Variants in KMT2D observed in about 807,000 individuals in gnomAD.
The protein encoded by KMT2D is histone-lysine N-methyltransferase 2D.
A neutral mutation model predicts 512.7 loss-of-function variants in KMT2D; 55 were observed. The observed-to-expected ratio is 0.11, with a 90% CI of 0.09 to 0.13. KMT2D has a LOEUF of 0.13. Among genes scored for constraint, KMT2D ranks in the 10% least tolerant of loss-of-function variants. KMT2D has a pLI of 1.00. For missense variants in KMT2D, 6,061 were observed against 7,127.9 expected, an observed-to-expected ratio of 0.85 and a Z score of 5.39; for synonymous variants, 2,995 against 2,904.0, an observed-to-expected ratio of 1.03 and a Z score of -1.01.
At position 49,041,710 on chromosome 12, in the gene KMT2D, G is replaced by A. The variant is rs1344530604; in HGVS notation, c.6184-5C>T. Reference sequence around the variant, plus strand: ...CCGGTTATCTTTGGCCTTTTGCTGAGGGATATGGGACACAGCCTTAGGGCC... The same window carrying A: ...CCGGTTATCTTTGGCCTTTTGCTGAAGGATATGGGACACAGCCTTAGGGCC... On this transcript the variant is annotated splice_polypyrimidine_tract_variant and splice_region_variant and intron_variant, in intron 30 of 54. Coordinates refer to ENST00000301067, the MANE Select transcript of KMT2D (RefSeq NM_003482.4). The surrounding 1 kb of genome is among the most constrained non-coding windows in gnomAD (Gnocchi z 5.4). 4 of 1,609,370 alleles carry A rather than the reference G, an allele frequency of 2.5e-6. No individual in the cohort carries two copies. The highest frequency in any genetic ancestry group is 2.5e-6 in the Non-Finnish European group (3 of 1,177,718).
rs1230179022 is a variant in KMT2D at position 49,024,978 on chromosome 12, G to A, written c.15785-32C>T. 48 of 1,570,016 alleles carry A rather than the reference G, an allele frequency of 3.1e-5. No homozygotes were observed. Among genetic ancestry groups the A allele is most frequent in the Non-Finnish European group, 4.1e-5 (48 of 1,157,266 alleles). On this transcript the variant is annotated intron_variant, in intron 49 of 54. Transcript: ENST00000301067. The surrounding 1 kb of genome is among the most constrained non-coding windows in gnomAD (Gnocchi z 4.5). ...AGCAGGGAAGAGAGCAGTCCTCAGA[G>A]GCAACTTCTGCTCACTGACCTCCAG...
Position 49,024,750 on chromosome 12 carries a change from G to T in KMT2D, c.15922-42C>A. On this transcript the variant is annotated intron_variant, in intron 50 of 54. Transcript: ENST00000301067. This position sits in a 1 kb window ranked among gnomAD's most constrained non-coding sequence, Gnocchi z 4.5. ...TACTCACCTTAGCCTGAGTTTTTTT[G>T]GGGTTAGGCCAAAGTTCTCAGTGCC... The T allele has an allele frequency of 6.2e-7, 1 of 1,607,588 alleles. No homozygotes were observed. Among genetic ancestry groups the T allele is most frequent in the Non-Finnish European group, 8.5e-7 (1 of 1,175,616 alleles).
chr12:49,027,305 C>T lies in KMT2D; in HGVS notation c.14661G>A (p.Glu4887=), dbSNP rs2120371365. The T allele has an allele frequency of 6.5e-7, 1 of 1,529,120 alleles. No individual in the cohort carries two copies. Among genetic ancestry groups the T allele is most frequent in the Non-Finnish European group, 8.8e-7 (1 of 1,141,598 alleles). The allele number at this position is 1,529,120 out of a possible 1,614,324, so 94.7% of individuals were successfully genotyped here. The change falls in exon 49 of 55, where the codon GAG becomes GAA. Residue 4887 remains glutamate (E), a synonymous_variant. Transcript: ENST00000301067. The part of the protein sequence containing the change: ...SLLKQESPAP[E]PPTQHSYTYN... Reference sequence around the variant, plus strand: ...AGGTATAGCTGTGCTGAGTGGGTGGCTCTGGGGCGGGGCTCTCCTGTAGGA... The same window carrying T: ...AGGTATAGCTGTGCTGAGTGGGTGGTTCTGGGGCGGGGCTCTCCTGTAGGA...
chr12:49,030,952 T>G lies in KMT2D; in HGVS notation c.13612A>C (p.Lys4538Gln). The G allele has an allele frequency of 5.6e-6, 9 of 1,613,986 alleles. No homozygotes were observed. Among genetic ancestry groups the G allele is most frequent in the Non-Finnish European group, 7.6e-6 (9 of 1,179,872 alleles). ...ASDRLVSSRK[K>Q]LRKEDGVRAS... ...CTGACCCCGTCCTCCTTCCGCAGCTTCTTTCGGGAGCTCACCAACCTGTCG... is the reference window on the plus strand; with the variant it reads ...CTGACCCCGTCCTCCTTCCGCAGCTGCTTTCGGGAGCTCACCAACCTGTCG... The change falls in exon 41 of 55, where the codon AAG (lysine) becomes CAG (glutamine). Residue 4538 changes from lysine (K) to glutamine (Q), a missense_variant. Lys to Gln is a moderately conservative substitution (Grantham distance 53, BLOSUM62 1). Around this residue, in one of 16 missense-constraint regions of KMT2D, gnomAD observed 1,600 missense variants for 1,754.9 expected, o/e 0.91. Transcript: ENST00000301067.
rs2120704507 is a variant in KMT2D, at chr12:49,054,104, G to A, written c.547C>T (p.Pro183Ser). ...SHCTRLGASI[P>S]CRSPGCPRLY... ...CGTGGACATCCAGGTGAGCGGCAAG[G>A]GATGGAGGCACCGAGCCTGGTGCAG... The change falls in exon 6 of 55, where the codon CCT becomes TCT. Residue 183 changes from proline to serine, a missense_variant. Transcript: ENST00000301067. The surrounding 1 kb of genome is among the most constrained non-coding windows in gnomAD (Gnocchi z 6.4). The A allele has an allele frequency of 6.2e-7, 1 of 1,613,122 alleles. No homozygotes were observed. Among genetic ancestry groups the A allele is most frequent in the Non-Finnish European group, 8.5e-7 (1 of 1,179,514 alleles).
intron 41 of KMT2D, 44 bp downstream of exon 41, chr12:49,030,849 C>T (rs996431445): frequency 6.2e-7 from 1 of 1,612,776 alleles, no homozygotes; most frequent in African/African-American, 1.3e-5. Flanking sequence ...AGGGTGCCCC[C>T]TATCCTGGGA....
Position 49,060,747 on chromosome 12 carries a change from G to A in KMT2D, c.-1172C>T, listed in dbSNP as rs1393174212. 1.3e-5 allele frequency among the ~76,000 whole-genome samples: 2 copies of A among 152,258 alleles called. No individual in the cohort carries two copies. Among genetic ancestry groups the A allele is most frequent in the African/African-American group, 4.8e-5 (2 of 41,468 alleles). ...TGCCCGGGGCACCCCACTCGAGAGGGGGAGAAAGGAGAAGAGGCGGCCCTA... is the reference window on the plus strand; with the variant it reads ...TGCCCGGGGCACCCCACTCGAGAGGAGGAGAAAGGAGAAGAGGCGGCCCTA... On this transcript the variant is annotated 5_prime_UTR_variant, in exon 1 of 55. Transcript: ENST00000301067.
At chr12:49,028,164 G>A (rs759619354) in intron 46 of KMT2D, 23 bp from the exon 47 acceptor site, 2 of 1,613,576 alleles carry the variant, frequency 1.2e-6, no homozygotes, top group African/African-American at 1.3e-5. Context: ...GGGAAGGGAT[G>A]GAAGAAACAT....
chr12:49,041,117 G>T lies in KMT2D; in HGVS notation c.6653C>A (p.Pro2218His). Residue 2218 changes from proline to histidine, a missense_variant, in exon 32 of 55, where the codon CCT becomes CAT. By Grantham distance (77) the Pro-to-His change is moderately conservative. Transcript: ENST00000301067. This position sits in a 1 kb window ranked among gnomAD's most constrained non-coding sequence, Gnocchi z 5.4. ...GAATTCCCCTGGCTGGCCAGCCCCA[G>T]GACGAGATGAGGCGCCCAGCATCGG... ...QPPMLGASSR[P>H]GAGQPGEFHT... The T allele has an allele frequency of 2.0e-6, 3 of 1,529,114 alleles. No homozygotes were observed. The highest frequency in any genetic ancestry group is 2.6e-6 in the Non-Finnish European group (3 of 1,141,984). The allele number at this position is 1,529,114 out of a possible 1,614,324, so 94.7% of individuals were successfully genotyped here.
rs1053719648 is a variant in KMT2D at position 49,044,088 on chromosome 12, A to C, written c.5189-90T>G. 3.9e-5 allele frequency: 62 copies of C among 1,594,398 alleles called. No individual in the cohort carries two copies. Among genetic ancestry groups the C allele is most frequent in the Non-Finnish European group, 4.3e-5 (50 of 1,168,858 alleles). On this transcript the variant is annotated intron_variant, in intron 22 of 54. Transcript: ENST00000301067. The surrounding 1 kb of genome is among the most constrained non-coding windows in gnomAD (Gnocchi z 6.4). ...CACTTTGTGCCTACTCTCTCCCACAACACCAGCTGGGTCTACCACCCTCTT... is the reference window on the plus strand; with the variant it reads ...CACTTTGTGCCTACTCTCTCCCACACCACCAGCTGGGTCTACCACCCTCTT...
At position 49,048,856 on chromosome 12, in the gene KMT2D, G is replaced by C. The variant is rs1937725053; in HGVS notation, c.4021-87C>G. 4.4e-6 allele frequency: 4 copies of C among 914,250 alleles called. No homozygotes were observed. The East Asian group carries it at 9.7e-5, about 22-fold the overall frequency. The allele number at this position is 914,250 out of a possible 1,614,324, so 56.6% of individuals were successfully genotyped here. A position where few individuals can be genotyped will look rare whatever the true frequency, so the allele number is the denominator to read the frequency against. On this transcript the variant is annotated intron_variant, in intron 13 of 54. Transcript: ENST00000301067. ...CTCTTTGGTGTTGGGGGAAGAAAGTGTGAACCCTTGGTTAAGATGAAGGCC... is the reference window on the plus strand; with the variant it reads ...CTCTTTGGTGTTGGGGGAAGAAAGTCTGAACCCTTGGTTAAGATGAAGGCC...
Position 49,037,804 on chromosome 12 carries a change from G to T in KMT2D, c.9552C>A (p.Ser3184=). 6.3e-7 allele frequency: 1 copy of T among 1,597,328 alleles called. No homozygotes were observed. Among genetic ancestry groups the T allele is most frequent in the East Asian group, 2.3e-5 (1 of 44,082 alleles). Residue 3184 remains serine, a synonymous_variant, in exon 35 of 55, where the codon TCC becomes TCA. Transcript: ENST00000301067. ...SSSGHTAEKA[S]FGATGGPPAH... is the part of the protein sequence containing the mutation. The stretch of plus-strand genomic sequence containing the variant: ...CTGGTGGTCCTCCCGTGGCCCCAAA[G>T]GAGGCCTTCTCAGCTGTGTGCCCAC...
At chr12:49,055,204 C>T (rs2120717334) in intron 2 of KMT2D, 72 bp downstream of exon 2, 1 of 1,579,076 alleles carries the variant, frequency 6.3e-7, no homozygotes, top group Non-Finnish European at 8.7e-7. Context: ...TAGCTCATGT[C>T]CTTGTGCCAG....
rs2120501313 is a variant in KMT2D, at chr12:49,038,641, A to T, written c.8715T>A (p.Arg2905=). ...FPGQGPPQRP[R]FYPVSEDPHR... ...GGGGGTCCTCACTTACAGGGTAAAA[A>T]CGGGGTCTCTGAGGTGGGCCCTGAC... Residue 2905 remains arginine, a synonymous_variant, in exon 35 of 55, where the codon CGT becomes CGA. Transcript: ENST00000301067. This position sits in a 1 kb window ranked among gnomAD's most constrained non-coding sequence, Gnocchi z 5.7. The T allele has an allele frequency of 6.2e-7, 1 of 1,613,036 alleles. No individual in the cohort carries two copies. The highest frequency in any genetic ancestry group is 8.5e-7 in the Non-Finnish European group (1 of 1,179,822).
In KMT2D at chr12:49,039,944, G is replaced by A. The variant is rs2120520048; in HGVS notation, c.7826C>T (p.Pro2609Leu). ...TGGCAGAACCGACGGAGGGCGTAGTGGGGACAGCCCATAGCTCTCCCCTGT... is the reference window on the plus strand; with the variant it reads ...TGGCAGAACCGACGGAGGGCGTAGTAGGGACAGCCCATAGCTCTCCCCTGT... Reference protein sequence around the residue: ...GSTGESYGLSPLRPPSVLPPP... With the variant: ...GSTGESYGLSLLRPPSVLPPP... The change falls in exon 32 of 55, where the codon CCA becomes CTA. Residue 2609 changes from proline (P) to leucine (L), a missense_variant. By Grantham distance (98) the Pro-to-Leu change is moderately conservative. Around this residue, in one of 16 missense-constraint regions of KMT2D, gnomAD observed 527 missense variants for 578.9 expected, o/e 0.91. Coordinates refer to ENST00000301067, the MANE Select transcript of KMT2D (RefSeq NM_003482.4). The surrounding 1 kb of genome is among the most constrained non-coding windows in gnomAD (Gnocchi z 5.0). 2 of 1,613,950 alleles carry A rather than the reference G, an allele frequency of 1.2e-6. No homozygotes were observed. The highest frequency in any genetic ancestry group is 1.7e-6 in the Non-Finnish European group (2 of 1,179,844).
In KMT2D at chr12:49,026,056, G is replaced by A; in HGVS notation, c.15784+126C>T. 1 of 895,700 alleles carries A rather than the reference G, an allele frequency of 1.1e-6. No homozygotes were observed. The allele number at this position is 895,700 out of a possible 1,614,324, so 55.5% of individuals were successfully genotyped here. On this transcript the variant is annotated intron_variant, in intron 49 of 54. Transcript: ENST00000301067. The surrounding 1 kb of genome is among the most constrained non-coding windows in gnomAD (Gnocchi z 9.6). ...GGAGTTTTCAAGAGACCCCCTGCCT[G>A]CCTGAGGTGGGGGAAGGAGGATCAT... is the stretch of plus-strand genomic sequence containing the variant.
At position 49,039,969 on chromosome 12, in the gene KMT2D, T is replaced by C; in HGVS notation, c.7801A>G (p.Thr2601Ala). 1 of 1,613,846 alleles carries C rather than the reference T, an allele frequency of 6.2e-7. No individual in the cohort carries two copies. The highest frequency in any genetic ancestry group is 1.1e-5 in the South Asian group (1 of 91,062). The change falls in exon 32 of 55, where the codon ACA becomes GCA. Residue 2601 changes from threonine (T) to alanine (A), a missense_variant. Physicochemically the swap from Thr to Ala is moderately conservative, Grantham distance 58. This residue lies in a region of KMT2D where 527 missense variants were observed against 578.9 expected (regional missense o/e 0.91). Coordinates refer to ENST00000301067, the MANE Select transcript of KMT2D (RefSeq NM_003482.4). This position sits in a 1 kb window ranked among gnomAD's most constrained non-coding sequence, Gnocchi z 5.0. ...GGGGACAGCCCATAGCTCTCCCCTG[T>C]GGACCCGCTGCTGGGCCCCAGGGGG... is the stretch of plus-strand genomic sequence containing the variant. ...GSPLGPSSGSTGESYGLSPLR... is the reference protein window; with the variant it reads ...GSPLGPSSGSAGESYGLSPLR...
chr12:49,043,808 T>C (rs2120573587), intron 23 of KMT2D, 26 bp from the exon 24 acceptor site: 5 of 1,612,752 alleles, frequency 3.1e-6, no homozygotes, highest in Non-Finnish European at 4.2e-6. Flanking sequence ...GGAGAAACAG[T>C]TTTCTTCATG....
chr12:49,028,737 T>C, intron 46 of KMT2D, 91 bp downstream of exon 46: 1 of 1,536,492 alleles, frequency 6.5e-7, no homozygotes, highest in Non-Finnish European at 8.9e-7. Context: ...TACATGTGCT[T>C]GAACGACTAC....
Sources: gnomAD v4.1 joint callset for allele counts (sites outside exome capture counted in the v4.1 genomes callset) on GRCh38, gnomAD v4.1.1 for gene constraint, gnomAD v4.1.1 regional missense constraint, Gnocchi (gnomAD v3.1) non-coding constraint, MANE v1.5 for transcripts, NCBI Gene and HGNC (gene_info 2026-07-23, HGNC 2026-07-21) for gene names.